SOX5: variants seen among roughly 807,000 people sequenced by gnomAD.
SOX5 encodes the protein transcription factor SOX-5.
Under a neutral mutation model 92.0 loss-of-function variants are expected in SOX5, and 9 were observed. The observed-to-expected ratio is 0.10, with a 90% CI of 0.06 to 0.17. SOX5 has a LOEUF of 0.17. Ranked by LOEUF, SOX5 falls within the 10% of genes least tolerant of loss-of-function variation. The probability of loss-of-function intolerance (pLI) is 1.00; values close to 1 mark genes in which losing one functional copy is unlikely to be tolerated. For synonymous variants in SOX5, 344 were observed against 336.3 expected, an observed-to-expected ratio of 1.02 and a Z score of -0.25; for missense variants, 642 against 944.5, an observed-to-expected ratio of 0.68 and a Z score of 4.20.
At chr12:24,280,236 T>A (rs1476269563) in intron 2 of SOX5, among the ~76,000 whole-genome samples, 1 of 152,196 alleles carries the variant, frequency 6.6e-6, no homozygotes, top group African/African-American at 2.4e-5. Context: ...TGCACTGTCA[T>A]ACTAAAGTGC....
chr12:24,383,843 TG>T (rs1161367304), intron 1 of SOX5, among the ~76,000 whole-genome samples: 1 of 152,118 alleles, frequency 6.6e-6, no homozygotes, highest in Non-Finnish European at 1.5e-5. Flanking sequence ...TGATACGGTT[TG>T]GCTGTGTCCC....
At chr12:24,408,301 A>T (rs1328387675) in intron 1 of SOX5, among the ~76,000 whole-genome samples, 2 of 152,220 alleles carry the variant, frequency 1.3e-5, no homozygotes, top group Non-Finnish European at 2.9e-5. Flanking sequence ...ACTTTACAGA[A>T]AATGTTGTGT....
chr12:24,028,101 G>A (rs1955082176), intron 4 of SOX5, among the ~76,000 whole-genome samples: 2 of 152,066 alleles, frequency 1.3e-5, no homozygotes, highest in African/African-American at 4.8e-5. Context: ...GGAGCAGGCA[G>A]GGAGGTTTCC....
intron 1 of SOX5, among the ~76,000 whole-genome samples, chr12:23,902,273 G>A (rs898583735): frequency 1.2e-4 from 18 of 152,080 alleles, no homozygotes; most frequent in Non-Finnish European, 2.9e-5. Flanking sequence ...AATAGGGATT[G>A]CTTTCCTTAT....
Position 23,771,014 on chromosome 12 carries a change from G to A in SOX5, c.482-15290C>T, listed in dbSNP as rs140236735. ...GTACATGAACTTTCATAGGAGAAAC[G>A]AGAAAAAGTAAAATCTCTTACTCAA... On this transcript the variant is annotated intron_variant, in intron 3 of 14. Transcript: ENST00000451604. 1.6e-3 allele frequency among the ~76,000 whole-genome samples: 249 copies of A among 152,026 alleles called. 5 individuals are homozygous for A. In the South Asian group the frequency reaches 0.045, roughly 27 times the overall value.
chr12:24,263,771 A>G (rs1235592958), intron 3 of SOX5, among the ~76,000 whole-genome samples: 1 of 152,192 alleles, frequency 6.6e-6, no homozygotes, highest in African/African-American at 2.4e-5. Flanking sequence ...ATATTTACCT[A>G]CGTAGCATTT....
chr12:24,019,541 G>T (rs969703083), intron 4 of SOX5, among the ~76,000 whole-genome samples: 2 of 152,180 alleles, frequency 1.3e-5, no homozygotes, highest in African/African-American at 4.8e-5. Context: ...AAAGGAAATG[G>T]TCATAGAGCA....
intron 8 of SOX5, among the ~76,000 whole-genome samples, chr12:23,618,550 A>G (rs1373607901): frequency 6.6e-6 from 1 of 152,218 alleles, no homozygotes; most frequent in Non-Finnish European, 1.5e-5. Flanking sequence ...AGGCTTGCAA[A>G]TACTTGAAAC....
At chr12:24,507,484 A>G (rs1198899827) in intron 1 of SOX5, among the ~76,000 whole-genome samples, 1 of 152,154 alleles carries the variant, frequency 6.6e-6, no homozygotes, top group Non-Finnish European at 1.5e-5. Flanking sequence ...CAAGTAAATG[A>G]CATTAATAAA....
chr12:23,568,656 G>A (rs928752134), intron 10 of SOX5, among the ~76,000 whole-genome samples: 12 of 151,926 alleles, frequency 7.9e-5, no homozygotes, highest in African/African-American at 2.9e-4. Context: ...TTGCCCTTCC[G>A]ATTCTTGGGA....
intron 4 of SOX5, among the ~76,000 whole-genome samples, chr12:24,168,476 A>G (rs1249553244): frequency 2.0e-5 from 3 of 152,228 alleles, no homozygotes; most frequent in African/African-American, 7.2e-5. Flanking sequence ...TTGTATTTCA[A>G]TAGAGATACT....
At chr12:23,739,365 A>C (rs2093715389) in intron 5 of SOX5, among the ~76,000 whole-genome samples, 1 of 152,148 alleles carries the variant, frequency 6.6e-6, no homozygotes, top group South Asian at 2.1e-4. Flanking sequence ...TGTATATTCC[A>C]GTTTTTATTG....
chr12:23,613,019 T>C (rs1483074779), intron 8 of SOX5, among the ~76,000 whole-genome samples: 5 of 152,128 alleles, frequency 3.3e-5, no homozygotes, highest in African/African-American at 4.8e-5. Flanking sequence ...CACATTATCA[T>C]AGAAAATTAT....
chr12:24,020,162 C>A (rs1954115953), intron 4 of SOX5, among the ~76,000 whole-genome samples: 1 of 152,088 alleles, frequency 6.6e-6, no homozygotes, highest in Non-Finnish European at 1.5e-5. Context: ...TCAAAGGCAC[C>A]AAACTCTATA....
intron 6 of SOX5, among the ~76,000 whole-genome samples, chr12:23,683,606 C>T (rs1593253741): frequency 6.6e-6 from 1 of 151,886 alleles, no homozygotes; most frequent in Non-Finnish European, 1.5e-5. Context: ...CACAGGAAAC[C>T]TTTAGTATGT....
At chr12:23,879,635 T>C (rs1181467652) in intron 2 of SOX5, among the ~76,000 whole-genome samples, 1 of 152,106 alleles carries the variant, frequency 6.6e-6, no homozygotes, top group East Asian at 1.9e-4. Flanking sequence ...TTTTTCACAG[T>C]CTCACAACAT....
intron 8 of SOX5, among the ~76,000 whole-genome samples, chr12:23,606,626 C>T (rs1420058739): frequency 6.6e-6 from 1 of 151,576 alleles, no homozygotes; most frequent in Non-Finnish European, 1.5e-5. Context: ...ATATTAGGCA[C>T]CAGAGACAGT....
At chr12:24,037,424 A>C (rs1275696790) in intron 4 of SOX5, among the ~76,000 whole-genome samples, 1 of 152,190 alleles carries the variant, frequency 6.6e-6, no homozygotes, top group Non-Finnish European at 1.5e-5. Context: ...CATTATGTGA[A>C]CCAAGGTATA....
At position 24,056,974 on chromosome 12, in the gene SOX5, CAA is replaced by C. The variant is rs60085412; in HGVS notation, c.-2+156367_-2+156368del. Among the ~76,000 whole-genome samples, 46 of 36,908 alleles carry C rather than the reference CAA, an allele frequency of 1.2e-3. 1 individual carries two copies. In the South Asian group the frequency reaches 0.042, roughly 34 times the overall value. The allele number at this position is 36,908 out of a possible 152,430, so 24.2% of individuals were successfully genotyped here. ...TGGGCGACAGAGCGAGACTCCGTCT[CAA>C]AAAAAAAAAAAAAAAAATTCAACAA... On this transcript the variant is annotated intron_variant, in intron 4 of 4. Coordinates refer to the SOX5 transcript ENST00000446891.
Sources: gnomAD v4.1 joint callset for allele counts (sites outside exome capture counted in the v4.1 genomes callset) on GRCh38, gnomAD v4.1.1 for gene constraint, MANE v1.5 for transcripts, NCBI Gene and HGNC (gene_info 2026-07-23, HGNC 2026-07-21) for gene names.